The following TACR3 variants were observed in gnomAD, a reference collection of about 807,000 sequenced individuals.
TACR3 encodes tachykinin receptor 3.
Under a neutral mutation model 35.0 loss-of-function variants are expected in TACR3, and 34 were observed. That is an observed-to-expected ratio of 0.97 (90% CI 0.74 to 1.30). The LOEUF (loss-of-function observed/expected upper bound fraction) is 1.30. Among genes scored for constraint, TACR3 ranks in the 50% most tolerant of loss-of-function variants. The pLI, the probability that TACR3 is intolerant of heterozygous loss-of-function variation, is 0.00. For synonymous variants in TACR3, 233 were observed against 221.1 expected (o/e 1.05, Z -0.48); for missense variants, 558 against 591.7 (o/e 0.94, Z 0.59).
intron 3 of TACR3, among the ~76,000 whole-genome samples, chr4:103,608,106 C>T (rs1724425296): frequency 6.6e-6 from 1 of 152,076 alleles, no homozygotes; most frequent in African/African-American, 2.4e-5. Context: ...GACACACGCA[C>T]TCATATGTTC....
At chr4:103,631,687 C>CTGTT (rs1294377759) in intron 3 of TACR3, among the ~76,000 whole-genome samples, 1 of 152,130 alleles carries the variant, frequency 6.6e-6, no homozygotes, top group African/African-American at 2.4e-5. Flanking sequence ...TTGGCTCTCC[C>CTGTT]TGTTTATAAC....
intron 3 of TACR3, among the ~76,000 whole-genome samples, chr4:103,631,771 C>G (rs1225798709): frequency 3.3e-5 from 5 of 152,154 alleles, no homozygotes; most frequent in African/African-American, 9.7e-5. Flanking sequence ...GTAGTTGATT[C>G]ACAAAACTCC....
intron 1 of TACR3, among the ~76,000 whole-genome samples, chr4:103,687,376 A>G (rs1256102008): frequency 2.0e-5 from 3 of 152,102 alleles, no homozygotes; most frequent in Non-Finnish European, 4.4e-5. Context: ...TATTCAACAT[A>G]GTGTTGGAAG....
intron 3 of TACR3, among the ~76,000 whole-genome samples, chr4:103,621,867 A>T (rs1160882460): frequency 2.0e-5 from 3 of 151,856 alleles, no homozygotes; most frequent in Non-Finnish European, 2.9e-5. Flanking sequence ...ATATGGGCAT[A>T]ATACAAATGT....
At chr4:103,707,511 C>T (rs1722821611) in intron 1 of TACR3, among the ~76,000 whole-genome samples, 1 of 151,926 alleles carries the variant, frequency 6.6e-6, no homozygotes, top group Non-Finnish European at 1.5e-5. Context: ...AGAAGAAAAT[C>T]AATAAGACAC....
intron 1 of TACR3, among the ~76,000 whole-genome samples, chr4:103,698,214 CT>C (rs1722567117): frequency 6.7e-6 from 1 of 150,328 alleles, no homozygotes; most frequent in Non-Finnish European, 1.5e-5. Flanking sequence ...GAAAAAAAAA[CT>C]TTTACATATT....
At position 103,589,407 on chromosome 4, in the gene TACR3, C is replaced by T; in HGVS notation, c.*275G>A. On this transcript the variant is annotated 3_prime_UTR_variant, in exon 5 of 5. Transcript: ENST00000304883. ...TAAATGAGATAGACTGGCGAGTTTA[C>T]AAGTATTTTCCTGACATATTTTTGT... The T allele has an allele frequency of 2.6e-6, 1 of 381,570 alleles. No homozygotes were observed. Among genetic ancestry groups the T allele is most frequent in the East Asian group, 4.8e-5 (1 of 20,790 alleles). The allele number at this position is 381,570 out of a possible 1,614,324, so 23.6% of individuals were successfully genotyped here. A position where few individuals can be genotyped will look rare whatever the true frequency, so the allele number is the denominator to read the frequency against.
intron 1 of TACR3, among the ~76,000 whole-genome samples, chr4:103,684,020 A>G (rs1233387241): frequency 6.6e-6 from 1 of 152,160 alleles, no homozygotes; most frequent in African/African-American, 2.4e-5. Context: ...AATTTGATGA[A>G]GTTCAACGTC....
intron 3 of TACR3, among the ~76,000 whole-genome samples, chr4:103,610,158 G>A (rs1813782): frequency 0.5 from 75,224 of 151,666 alleles, 22,688 homozygotes; most frequent in Non-Finnish European, 0.64. Flanking sequence ...TGGACTATGT[G>A]GTAGTTCTGT....
intron 3 of TACR3, among the ~76,000 whole-genome samples, chr4:103,614,223 C>A (rs1207176706): frequency 1.3e-5 from 2 of 152,110 alleles, no homozygotes; most frequent in Non-Finnish European, 2.9e-5. Context: ...ATATCAAGAA[C>A]AAGACATTTA....
intron 3 of TACR3, among the ~76,000 whole-genome samples, chr4:103,612,351 C>T (rs1000195950): frequency 2.6e-5 from 4 of 152,178 alleles, no homozygotes; most frequent in Admixed American, 6.5e-5. Flanking sequence ...ATCACTCCAA[C>T]AGTCATTTCC....
chr4:103,717,600 T>C (rs1016673891), intron 1 of TACR3, among the ~76,000 whole-genome samples: 1 of 152,176 alleles, frequency 6.6e-6, no homozygotes, highest in Non-Finnish European at 1.5e-5. Context: ...TATTGCATGA[T>C]TAATCTTTCA....
chr4:103,613,392 T>C (rs956997687), intron 3 of TACR3, among the ~76,000 whole-genome samples: 1 of 152,186 alleles, frequency 6.6e-6, no homozygotes, highest in Non-Finnish European at 1.5e-5. Flanking sequence ...GCCATCTTGC[T>C]CACTGCAACC....
chr4:103,627,174 T>G, intron 3 of TACR3, among the ~76,000 whole-genome samples: 1 of 84,550 alleles, frequency 1.2e-5, no homozygotes, highest in Non-Finnish European at 2.0e-5. Context: ...GGTGTGAGAC[T>G]CCGTCTCAAA....
intron 3 of TACR3, among the ~76,000 whole-genome samples, chr4:103,653,558 A>C (rs1725668141): frequency 6.6e-6 from 1 of 152,180 alleles, no homozygotes. Context: ...AAGATGGATT[A>C]AAGACTTACA....
intron 3 of TACR3, among the ~76,000 whole-genome samples, chr4:103,613,202 G>A (rs1008478264): frequency 8.5e-5 from 13 of 152,090 alleles, no homozygotes; most frequent in Admixed American, 1.3e-4. Context: ...TAACATAGGC[G>A]TTGTGATTAA....
intron 3 of TACR3, among the ~76,000 whole-genome samples, chr4:103,610,893 A>G (rs1280642912): frequency 3.3e-5 from 5 of 152,130 alleles, no homozygotes; most frequent in African/African-American, 7.2e-5. Flanking sequence ...CCTTTCCCCA[A>G]TGTGTGTTCT....
At chr4:103,718,361 G>C (rs1013903406) in intron 1 of TACR3, among the ~76,000 whole-genome samples, 24 of 152,146 alleles carry the variant, frequency 1.6e-4, no homozygotes, top group African/African-American at 5.8e-4. Context: ...TTCAATAACA[G>C]GTAGGGATTC....
chr4:103,601,627 T>C (rs937375387), intron 3 of TACR3, among the ~76,000 whole-genome samples: 4 of 152,166 alleles, frequency 2.6e-5, no homozygotes, highest in Admixed American at 6.5e-5. Context: ...GAGGATATTA[T>C]TTCTCCTTCA....
Sources: gnomAD v4.1 joint callset for allele counts (sites outside exome capture counted in the v4.1 genomes callset) on GRCh38, gnomAD v4.1.1 for gene constraint, MANE v1.5 for transcripts, NCBI Gene and HGNC (gene_info 2026-07-23, HGNC 2026-07-21) for gene names.